DNAAF11: variants seen among roughly 807,000 people sequenced by gnomAD.
DNAAF11 encodes dynein axonemal assembly factor 11, also known as leucine rich repeat containing 6.
DNAAF11 carries 45 observed loss-of-function variants against 60.8 expected under a neutral mutation model. The observed-to-expected ratio is 0.74, with a 90% CI of 0.58 to 0.95. DNAAF11 has a LOEUF of 0.95. Ranked by LOEUF, DNAAF11 falls within the 40% of genes least tolerant of loss-of-function variation. The pLI, the probability that DNAAF11 is intolerant of heterozygous loss-of-function variation, is 0.00. For missense variants in DNAAF11, 546 were observed against 546.2 expected, an observed-to-expected ratio of 1.00 and a Z score of 0.00; for synonymous variants, 191 against 183.5, an observed-to-expected ratio of 1.04 and a Z score of -0.33.
At chr8:132,606,875 T>C (rs911659995) in intron 10 of DNAAF11, among the ~76,000 whole-genome samples, 1 of 152,250 alleles carries the variant, frequency 6.6e-6, no homozygotes, top group Non-Finnish European at 1.5e-5. Flanking sequence ...TGTATAGCTG[T>C]ATAATGTATT....
At chr8:132,593,504 T>A (rs1816696271) in intron 10 of DNAAF11, among the ~76,000 whole-genome samples, 1 of 151,106 alleles carries the variant, frequency 6.6e-6, no homozygotes, top group South Asian at 2.1e-4. Context: ...CTTCCCAGAT[T>A]GACCTACAGA....
chr8:132,606,066 A>G (rs1818100683), intron 10 of DNAAF11, among the ~76,000 whole-genome samples: 1 of 151,750 alleles, frequency 6.6e-6, no homozygotes, highest in Non-Finnish European at 1.5e-5. Flanking sequence ...ATTATAATGG[A>G]TCTGAAAAAT....
intron 3 of DNAAF11, among the ~76,000 whole-genome samples, chr8:132,654,875 A>C (rs1247802265): frequency 1.3e-5 from 2 of 151,984 alleles, no homozygotes; most frequent in African/African-American, 4.8e-5. Context: ...AACTAGAAAA[A>C]AGAGAAAACA....
At chr8:132,653,273 G>A (rs1435384902) in intron 3 of DNAAF11, among the ~76,000 whole-genome samples, 2 of 152,072 alleles carry the variant, frequency 1.3e-5, no homozygotes, top group Non-Finnish European at 2.9e-5. Context: ...AGTTGTCAAC[G>A]AATAATTCTC....
At chr8:132,676,337 G>C (rs959612093), upstream of DNAAF11, among the ~76,000 whole-genome samples, 3 of 152,128 alleles carry the variant, frequency 2.0e-5, no homozygotes, top group African/African-American at 7.2e-5. Flanking sequence ...TTCACCCTCA[G>C]ATCTTAGTGT....
chr8:132,651,979 A>G (rs1238135694), intron 3 of DNAAF11, among the ~76,000 whole-genome samples: 1 of 152,252 alleles, frequency 6.6e-6, no homozygotes, highest in African/African-American at 2.4e-5. Context: ...TTTGAGAATG[A>G]AAAATAAAAA....
At chr8:132,593,972 C>A (rs1187615297) in intron 10 of DNAAF11, among the ~76,000 whole-genome samples, 4 of 152,016 alleles carry the variant, frequency 2.6e-5, no homozygotes, top group South Asian at 2.1e-4. Flanking sequence ...ATCTTTAAAG[C>A]TAAAGATTTC....
At chr8:132,665,049 A>C (rs1824496225) in intron 1 of DNAAF11, among the ~76,000 whole-genome samples, 1 of 152,220 alleles carries the variant, frequency 6.6e-6, no homozygotes, top group Non-Finnish European at 1.5e-5. Context: ...ATTAGGATAC[A>C]TTAAAAGAAA....
the DNAAF11 span, among the ~76,000 whole-genome samples, chr8:132,683,585 C>T: frequency 1.3e-5 from 2 of 152,170 alleles, no homozygotes; most frequent in Non-Finnish European, 2.9e-5. Flanking sequence ...CTGCCAGTGC[C>T]CCTGGGGGTG....
chr8:132,684,417 G>A, the DNAAF11 span, among the ~76,000 whole-genome samples: 1,224 of 152,260 alleles, frequency 8.0e-3, 9 homozygotes, highest in Middle Eastern at 0.088. Context: ...TTTTACTGGG[G>A]TTTCATCACA....
chr8:132,590,096 T>G (rs1473749974), intron 10 of DNAAF11, among the ~76,000 whole-genome samples: 4 of 152,224 alleles, frequency 2.6e-5, no homozygotes, highest in African/African-American at 9.6e-5. Flanking sequence ...TGCTCTGCTC[T>G]GTAAATCACA....
chr8:132,612,605 C>T (rs1452051857), intron 8 of DNAAF11, among the ~76,000 whole-genome samples: 3 of 152,142 alleles, frequency 2.0e-5, no homozygotes, highest in Admixed American at 1.3e-4. Flanking sequence ...TGTAACTCAT[C>T]AGATGTCTAT....
chr8:132,684,663 T>G, the DNAAF11 span, among the ~76,000 whole-genome samples: 1 of 152,176 alleles, frequency 6.6e-6, no homozygotes, highest in Non-Finnish European at 1.5e-5. Flanking sequence ...ACACTAGAGA[T>G]TGCCTCCTAG....
intron 6 of DNAAF11, among the ~76,000 whole-genome samples, chr8:132,623,037 A>C (rs1311643554): frequency 6.6e-6 from 1 of 152,196 alleles, no homozygotes; most frequent in East Asian, 1.9e-4. Flanking sequence ...GATAACTGTC[A>C]ACTCTCCATT....
chr8:132,675,282 G>C lies in DNAAF11; in HGVS notation c.10+202C>G, dbSNP rs963306698. The C allele has an allele frequency of 9.5e-6, 5 of 526,140 alleles. No homozygotes were observed. The East Asian group carries it at 9.6e-5, about 10-fold the overall frequency. 32.6% of individuals were successfully genotyped at this position (526,140 alleles called of 1,614,324 possible). ...TTTTACAGATTAGGAACCTGAGCTG[G>C]AAAAGGCCAGGCTGTCCGGCCAGTC... is the stretch of plus-strand genomic sequence containing the variant. On this transcript the variant is annotated intron_variant, in intron 1 of 11. Coordinates refer to ENST00000620350, the MANE Select transcript of DNAAF11 (RefSeq NM_012472.6).
chr8:132,609,490 T>A (rs1818440121), intron 10 of DNAAF11, among the ~76,000 whole-genome samples: 1 of 152,084 alleles, frequency 6.6e-6, no homozygotes, highest in Non-Finnish European at 1.5e-5. Flanking sequence ...TAGAGATTGG[T>A]TTTAATGGTT....
At chr8:132,665,396 T>C (rs1457869305) in intron 1 of DNAAF11, among the ~76,000 whole-genome samples, 2 of 152,192 alleles carry the variant, frequency 1.3e-5, no homozygotes, top group Admixed American at 6.5e-5. Flanking sequence ...TAGAAATTTC[T>C]ACTCCAAATA....
At chr8:132,610,312 G>A (rs1003464134) in intron 9 of DNAAF11, 51 bp from the exon 10 acceptor site, 1 of 1,226,554 alleles carries the variant, frequency 8.2e-7, no homozygotes, top group Non-Finnish European at 1.2e-6. Flanking sequence ...CGTTACATGA[G>A]AGGGTTACTA....
chr8:132,653,910 A>C (rs1823276246), intron 3 of DNAAF11, among the ~76,000 whole-genome samples: 2 of 152,134 alleles, frequency 1.3e-5, no homozygotes, highest in Non-Finnish European at 2.9e-5. Context: ...ATTCTGCCTT[A>C]TTGCTAATTA....
Sources: gnomAD v4.1 joint callset for allele counts (sites outside exome capture counted in the v4.1 genomes callset) on GRCh38, gnomAD v4.1.1 for gene constraint, MANE v1.5 for transcripts, NCBI Gene and HGNC (gene_info 2026-07-23, HGNC 2026-07-21) for gene names.